PCDHA6: variants seen among roughly 807,000 people sequenced by gnomAD.
The protein encoded by PCDHA6 is protocadherin alpha 6, also known as protocadherin alpha-6.
In PCDHA6, 55 loss-of-function variants were observed where a neutral mutation model predicts 60.3. The observed-to-expected ratio is 0.91, with a 90% CI of 0.73 to 1.14. PCDHA6 has a LOEUF of 1.14. PCDHA6 is among the 50% of genes most tolerant of loss of function. The pLI is 0.00. For synonymous variants in PCDHA6, 652 were observed against 557.9 expected, an observed-to-expected ratio of 1.17 and a Z score of -2.38; for missense variants, 1,327 against 1,256.5, an observed-to-expected ratio of 1.06 and a Z score of -0.85.
At chr5:140,940,055 C>G (rs1179353318) in intron 1 of PCDHA6, among the ~76,000 whole-genome samples, 1 of 152,064 alleles carries the variant, frequency 6.6e-6, no homozygotes, top group Non-Finnish European at 1.5e-5. Context: ...GATTCTTAAC[C>G]AAATATAAAT....
intron 1 of PCDHA6, among the ~76,000 whole-genome samples, chr5:140,905,180 TAA>T (rs2071657008): frequency 6.6e-6 from 1 of 152,224 alleles, no homozygotes; most frequent in Non-Finnish European, 1.5e-5. Flanking sequence ...GTTTTAGATT[TAA>T]GTCTTTGATC....
chr5:140,976,303 C>A (rs1458121600), intron 1 of PCDHA6, among the ~76,000 whole-genome samples: 10 of 152,090 alleles, frequency 6.6e-5, no homozygotes, highest in Non-Finnish European at 1.3e-4. Flanking sequence ...GTAATCCCAG[C>A]ACTTTGGGAG....
intron 1 of PCDHA6, chr5:140,927,936 A>G: frequency 6.2e-7 from 1 of 1,614,246 alleles, no homozygotes; most frequent in East Asian, 2.2e-5. Context: ...TTTCGAACCC[A>G]GTACCTGAGG....
chr5:140,868,182 A>T (rs565452965), intron 1 of PCDHA6: 1 of 152,260 alleles, frequency 6.6e-6, no homozygotes, highest in African/African-American at 2.4e-5. Context: ...ATCTCATATT[A>T]TGCTACTATG....
chr5:140,843,487 G>A (rs2150361131), intron 1 of PCDHA6: 2 of 1,596,050 alleles, frequency 1.3e-6, no homozygotes, highest in Admixed American at 1.7e-5. Context: ...CTGCGCTGCG[G>A]TGCTCAGCAC....
chr5:140,942,713 T>C (rs2093359728), intron 1 of PCDHA6, among the ~76,000 whole-genome samples: 2 of 152,208 alleles, frequency 1.3e-5, no homozygotes, highest in Non-Finnish European at 1.5e-5. Flanking sequence ...AGTAAAAGTA[T>C]GAAATTTTGT....
chr5:140,871,436 G>A, intron 1 of PCDHA6: 1 of 1,612,324 alleles, frequency 6.2e-7, no homozygotes, highest in East Asian at 2.2e-5. Context: ...CTTCCTCTAG[G>A]TCTGAATAAA....
Position 140,968,215 on chromosome 5 carries a change from G to T in PCDHA6, c.2395-10734G>T, listed in dbSNP as rs782676713. The stretch of plus-strand genomic sequence containing the variant: ...CCATCTACATACAGGAGAACAATTT[G>T]CCAGGTGTGTTGCTCTGTACTGTGC... On this transcript the variant is annotated intron_variant, in intron 1 of 3. Transcript: ENST00000529310. 3.1e-6 allele frequency: 5 copies of T among 1,613,862 alleles called. No homozygotes were observed. In the East Asian group the frequency reaches 1.1e-4, roughly 36 times the overall value.
At chr5:140,904,435 A>G (rs542932460) in intron 1 of PCDHA6, among the ~76,000 whole-genome samples, 4 of 151,230 alleles carry the variant, frequency 2.6e-5, no homozygotes, top group African/African-American at 9.7e-5. Flanking sequence ...ATATATATGT[A>G]TATTACAATT....
intron 1 of PCDHA6, chr5:140,843,511 C>T: frequency 6.3e-7 from 1 of 1,595,668 alleles, no homozygotes; most frequent in Non-Finnish European, 8.6e-7. Context: ...CCACTGAGGG[C>T]GGGTGCCGGG....
At chr5:140,836,901 A>C in intron 1 of PCDHA6, 1 of 593,722 alleles carries the variant, frequency 1.7e-6, no homozygotes. Flanking sequence ...AAGTACGTTT[A>C]ATATACACTT....
chr5:140,870,297 C>T, intron 1 of PCDHA6: 1 of 1,614,186 alleles, frequency 6.2e-7, no homozygotes, highest in Non-Finnish European at 8.5e-7. Context: ...AGCTGGTGTC[C>T]ACCTTCAAGA....
chr5:140,900,214 T>C (rs782509259), intron 1 of PCDHA6, among the ~76,000 whole-genome samples: 3 of 152,216 alleles, frequency 2.0e-5, no homozygotes, highest in Non-Finnish European at 4.4e-5. Flanking sequence ...ATCCAGGTTG[T>C]TGCAAATGAC....
chr5:140,943,467 G>C lies in PCDHA6; in HGVS notation c.2395-35482G>C, dbSNP rs559827697. 2.0e-5 allele frequency among the ~76,000 whole-genome samples: 3 copies of C among 152,126 alleles called. No individual in the cohort carries two copies. The East Asian group carries it at 5.8e-4, about 29-fold the overall frequency. On this transcript the variant is annotated intron_variant, in intron 1 of 3. Coordinates refer to ENST00000529310, the MANE Select transcript of PCDHA6 (RefSeq NM_018909.4). ...AGAATTGATAAGGCTAAATGTGGGA[G>C]ATACAGTAAAATAATAAATAGATGC... is the stretch of plus-strand genomic sequence containing the variant.
intron 1 of PCDHA6, 53 bp from the exon 2 acceptor site, chr5:140,978,895 TG>T: frequency 6.2e-7 from 1 of 1,612,992 alleles, no homozygotes; most frequent in Non-Finnish European, 8.5e-7. Context: ...GCAGCATTCC[TG>T]GGAGAACATT....
intron 1 of PCDHA6, among the ~76,000 whole-genome samples, chr5:140,953,564 G>C (rs2094904127): frequency 6.6e-6 from 1 of 152,058 alleles, no homozygotes; most frequent in Non-Finnish European, 1.5e-5. Context: ...AAGTTTTAGT[G>C]CCCTCCTCTC....
At chr5:140,840,332 C>G (rs1776661015) in intron 1 of PCDHA6, among the ~76,000 whole-genome samples, 1 of 151,624 alleles carries the variant, frequency 6.6e-6, no homozygotes, top group African/African-American at 2.4e-5. Context: ...ATTTTCTAGG[C>G]AATGTTAGGG....
intron 1 of PCDHA6, chr5:140,860,628 G>A (rs1488931314): frequency 6.6e-6 from 1 of 152,206 alleles, no homozygotes; most frequent in African/African-American, 2.4e-5. Flanking sequence ...ACATATGCAG[G>A]AATCAGGAAC....
intron 1 of PCDHA6, chr5:140,862,471 C>A (rs1000381603): frequency 1.5e-4 from 55 of 374,462 alleles, no homozygotes; most frequent in Non-Finnish European, 2.7e-4. Context: ...GAGAGCAAAT[C>A]TATCCATTGT....
Sources: allele counts gnomAD v4.1 joint callset (sites outside exome capture counted in the v4.1 genomes callset), GRCh38; gene constraint gnomAD v4.1.1; transcripts MANE v1.5; gene names NCBI Gene and HGNC (gene_info 2026-07-23, HGNC 2026-07-21).